The following CSNK1G3 variants were observed in gnomAD, a reference collection of about 807,000 sequenced individuals.
CSNK1G3 encodes the protein casein kinase 1 gamma 3, also known as casein kinase I isoform gamma-3.
A neutral mutation model predicts 64.3 loss-of-function variants in CSNK1G3; 23 were observed. The observed-to-expected ratio is 0.36, with a 90% CI of 0.26 to 0.51. The LOEUF (loss-of-function observed/expected upper bound fraction) is 0.51, where lower values mean the gene tolerates loss of function less well. CSNK1G3 is among the 20% of genes least tolerant of loss of function. The pLI is 0.96. For synonymous variants in CSNK1G3, 158 were observed against 162.2 expected (o/e 0.97, Z 0.20); for missense variants, 357 against 510.5 (o/e 0.70, Z 2.90).
chr5:123,543,142 A>G (rs1316269790), intron 1 of CSNK1G3, among the ~76,000 whole-genome samples: 1 of 151,842 alleles, frequency 6.6e-6, no homozygotes, highest in Non-Finnish European at 1.5e-5. Context: ...TGTGTTGTTG[A>G]GAGTCTGGCT....
At chr5:123,585,146 C>A (rs988185210) in intron 6 of CSNK1G3, among the ~76,000 whole-genome samples, 4 of 152,000 alleles carry the variant, frequency 2.6e-5, no homozygotes, top group Non-Finnish European at 5.9e-5. Context: ...AATACAGAGT[C>A]TGAAATAGAC....
At chr5:123,579,019 C>T (rs1308919729) in intron 6 of CSNK1G3, among the ~76,000 whole-genome samples, 2 of 151,872 alleles carry the variant, frequency 1.3e-5, no homozygotes, top group African/African-American at 4.8e-5. Flanking sequence ...AGTATATATC[C>T]ATCACTGCTG....
intron 1 of CSNK1G3, among the ~76,000 whole-genome samples, chr5:123,515,852 T>G (rs1211985240): frequency 1.3e-5 from 2 of 152,152 alleles, no homozygotes; most frequent in African/African-American, 4.8e-5. Context: ...GTGCCTACTT[T>G]GTATAGAGGC....
intron 3 of CSNK1G3, among the ~76,000 whole-genome samples, chr5:123,556,237 G>T (rs974567354): frequency 1.3e-5 from 2 of 152,036 alleles, no homozygotes; most frequent in Non-Finnish European, 2.9e-5. Flanking sequence ...GTTGGTCACA[G>T]TTTCATTATG....
intron 10 of CSNK1G3, among the ~76,000 whole-genome samples, chr5:123,596,389 G>T (rs142631210): frequency 6.6e-6 from 1 of 152,034 alleles, no homozygotes; most frequent in African/African-American, 2.4e-5. Context: ...ACTATATTTT[G>T]TATGTATCTG....
At chr5:123,602,525 A>G (rs987000798) in intron 10 of CSNK1G3, among the ~76,000 whole-genome samples, 2 of 152,214 alleles carry the variant, frequency 1.3e-5, no homozygotes, top group Non-Finnish European at 2.9e-5. Context: ...TCTGTAGCCC[A>G]TGACAGGGTT....
chr5:123,593,642 A>G (rs1792861095), intron 10 of CSNK1G3, among the ~76,000 whole-genome samples: 1 of 152,000 alleles, frequency 6.6e-6, no homozygotes, highest in African/African-American at 2.4e-5. Context: ...ACTTGACTTC[A>G]TCTGATTTGA....
intron 1 of CSNK1G3, among the ~76,000 whole-genome samples, chr5:123,519,050 G>A (rs778757459): frequency 1.3e-4 from 19 of 148,376 alleles, no homozygotes; most frequent in Middle Eastern, 4.1e-3. Flanking sequence ...TTGAGTCACC[G>A]TGGCTGGCAA....
chr5:123,523,187 C>T (rs1226013050), intron 1 of CSNK1G3, among the ~76,000 whole-genome samples: 3 of 152,002 alleles, frequency 2.0e-5, no homozygotes, highest in African/African-American at 4.8e-5. Flanking sequence ...GAGGAACGGT[C>T]TCTGTTTATT....
chr5:123,612,754 G>T (rs566962771), intron 12 of CSNK1G3, among the ~76,000 whole-genome samples: 1 of 152,228 alleles, frequency 6.6e-6, no homozygotes, highest in East Asian at 1.9e-4. Flanking sequence ...GGGATTACAC[G>T]CATGAGCCAC....
intron 8 of CSNK1G3, 38 bp from the exon 9 acceptor site, chr5:123,590,372 G>C (rs753859723): frequency 1.1e-5 from 12 of 1,097,564 alleles, no homozygotes; most frequent in Admixed American, 9.1e-5. Flanking sequence ...GAGTATTAAA[G>C]AAAAGTATAG....
intron 3 of CSNK1G3, among the ~76,000 whole-genome samples, chr5:123,555,989 C>G (rs1784553775): frequency 6.6e-6 from 1 of 151,784 alleles, no homozygotes; most frequent in Non-Finnish European, 1.5e-5. Context: ...AAGTTTTAAC[C>G]CAATTTTACA....
intron 4 of CSNK1G3, among the ~76,000 whole-genome samples, chr5:123,564,460 A>G (rs564664974): frequency 6.6e-6 from 1 of 152,106 alleles, no homozygotes; most frequent in South Asian, 2.1e-4. Context: ...TGAAAATTTC[A>G]TATTTAGTTT....
chr5:123,552,013 G>A (rs1783763948), intron 2 of CSNK1G3, among the ~76,000 whole-genome samples: 1 of 152,018 alleles, frequency 6.6e-6, no homozygotes, highest in African/African-American at 2.4e-5. Context: ...GAATTTTCTA[G>A]ATTATTTTTG....
chr5:123,545,275 T>G (rs1319115945), intron 1 of CSNK1G3, 142 bp from the exon 2 acceptor site: 1 of 156,990 alleles, frequency 6.4e-6, no homozygotes. Context: ...AGTGGTTAAT[T>G]TAAAAGTATA....
chr5:123,547,165 T>C (rs1385699266), intron 2 of CSNK1G3, among the ~76,000 whole-genome samples: 1 of 152,154 alleles, frequency 6.6e-6, no homozygotes, highest in Non-Finnish European at 1.5e-5. Flanking sequence ...TGGTAAAATA[T>C]AAAAATAGTG....
At chr5:123,550,177 A>C (rs563751080) in intron 2 of CSNK1G3, among the ~76,000 whole-genome samples, 1 of 152,330 alleles carries the variant, frequency 6.6e-6, no homozygotes, top group East Asian at 1.9e-4. Flanking sequence ...GAAAAATTCC[A>C]ATATATAGTG....
chr5:123,536,425 C>CT (rs3064349), intron 1 of CSNK1G3, among the ~76,000 whole-genome samples: 35,565 of 134,440 alleles, frequency 0.26, 4,879 homozygotes, highest in African/African-American at 0.38. Context: ...ATATGAAGGG[C>CT]TTTTTTTTTT....
chr5:123,556,505 A>G (rs1784647687), intron 3 of CSNK1G3, among the ~76,000 whole-genome samples: 1 of 151,730 alleles, frequency 6.6e-6, no homozygotes, highest in Admixed American at 6.6e-5. Context: ...CATTCTATAT[A>G]GTTTTTCTGT....
Sources: allele counts gnomAD v4.1 joint callset (sites outside exome capture counted in the v4.1 genomes callset), GRCh38; gene constraint gnomAD v4.1.1; transcripts MANE v1.5; gene names NCBI Gene and HGNC (gene_info 2026-07-23, HGNC 2026-07-21).